The following GRHL1 variants were observed in gnomAD, a reference collection of about 807,000 sequenced individuals.
GRHL1 encodes the protein grainyhead-like protein 1 homolog.
GRHL1 carries 38 observed loss-of-function variants against 75.7 expected under a neutral mutation model. The observed-to-expected ratio is 0.50, with a 90% CI of 0.39 to 0.66. The LOEUF (loss-of-function observed/expected upper bound fraction) is 0.66, where lower values mean the gene tolerates loss of function less well. Among genes scored for constraint, GRHL1 ranks in the 30% least tolerant of loss-of-function variants. The probability of loss-of-function intolerance (pLI) is 0.00; values close to 1 mark genes in which losing one functional copy is unlikely to be tolerated. For missense variants in GRHL1, 589 were observed against 767.5 expected, an observed-to-expected ratio of 0.77 and a Z score of 2.75; for synonymous variants, 266 against 279.4, an observed-to-expected ratio of 0.95 and a Z score of 0.48.
intron 14 of GRHL1, among the ~76,000 whole-genome samples, chr2:9,998,423 C>CGCGTGTGTGTGTGT (rs1553306759): frequency 3.0e-5 from 1 of 33,844 alleles, no homozygotes; most frequent in African/African-American, 1.7e-4. Flanking sequence ...AGTGACTATG[C>CGCGTGTGTGTGTGT]ATGTGTGTGT....
chr2:9,988,426 T>G (rs1668513315), intron 9 of GRHL1, among the ~76,000 whole-genome samples: 2 of 152,242 alleles, frequency 1.3e-5, no homozygotes, highest in Admixed American at 1.3e-4. Context: ...TGTGTGAGTT[T>G]CGGGCACTGT....
At position 9,993,378 on chromosome 2, in the gene GRHL1, A is replaced by G. The variant is rs189140892; in HGVS notation, c.1499+134A>G. 4,093 of 705,384 alleles carry G rather than the reference A, an allele frequency of 5.8e-3. 31 individuals are homozygous for G. Among genetic ancestry groups the G allele is most frequent in the Non-Finnish European group, 8.1e-3 (3,142 of 390,206 alleles). The allele number at this position is 705,384 out of a possible 1,614,324, so 43.7% of individuals were successfully genotyped here. On this transcript the variant is annotated intron_variant, in intron 12 of 15. Transcript: ENST00000324907. ...GGATAAGTTGCCAGCCTGATGGCCCATCACTCCTGAATATCGTGGTATATA... is the reference window on the plus strand; with the variant it reads ...GGATAAGTTGCCAGCCTGATGGCCCGTCACTCCTGAATATCGTGGTATATA...
At chr2:9,965,190 A>G in intron 7 of GRHL1, 97 bp from the exon 8 acceptor site, 1 of 685,780 alleles carries the variant, frequency 1.5e-6, no homozygotes, top group Non-Finnish European at 2.7e-6. Context: ...TCCAGAGGTG[A>G]TAATGCTAAA....
At chr2:9,952,953 A>C (rs1021381880) in intron 1 of GRHL1, 18 of 451,494 alleles carry the variant, frequency 4.0e-5, no homozygotes, top group Middle Eastern at 3.3e-4. Flanking sequence ...GAAGTCTGAG[A>C]GATCGCAGAC....
In GRHL1 at chr2:9,987,556, G is replaced by A. The variant is rs998333442; in HGVS notation, c.1269+1274G>A. On this transcript the variant is annotated intron_variant, in intron 9 of 15. Coordinates refer to ENST00000324907, the MANE Select transcript of GRHL1 (RefSeq NM_198182.3). This position sits in a 1 kb window ranked among gnomAD's most constrained non-coding sequence, Gnocchi z 4.2. ...CCAAAGGCCCTTCAATAAGCATGGGGAAGGAGAGGTGCGGATTCTTCTCTA... is the reference window on the plus strand; with the variant it reads ...CCAAAGGCCCTTCAATAAGCATGGGAAAGGAGAGGTGCGGATTCTTCTCTA... 1.3e-5 allele frequency among the ~76,000 whole-genome samples: 2 copies of A among 152,204 alleles called. No individual in the cohort carries two copies. Among genetic ancestry groups the A allele is most frequent in the African/African-American group, 4.8e-5 (2 of 41,438 alleles).
At chr2:9,979,520 C>G (rs1326803192) in intron 8 of GRHL1, among the ~76,000 whole-genome samples, 3 of 152,090 alleles carry the variant, frequency 2.0e-5, no homozygotes, top group Admixed American at 2.0e-4. Context: ...GGCCAGTGCT[C>G]AAATTTTGAA....
rs1170321771 is a variant in GRHL1 at position 9,992,970 on chromosome 2, G to A, written c.1462-237G>A. 2.6e-5 allele frequency among the ~76,000 whole-genome samples: 4 copies of A among 152,204 alleles called. No homozygotes were observed. Among genetic ancestry groups the A allele is most frequent in the Non-Finnish European group, 5.9e-5 (4 of 68,048 alleles). ...ATAAGCAGCATGTGAATGAATGAGC[G>A]TGGCTTTGTTTCAGTAAAGACTTTA... On this transcript the variant is annotated intron_variant, in intron 11 of 15. Transcript: ENST00000324907. This position sits in a 1 kb window ranked among gnomAD's most constrained non-coding sequence, Gnocchi z 4.6.
chr2:9,988,326 A>C (rs1237146857), intron 9 of GRHL1, among the ~76,000 whole-genome samples: 2 of 151,030 alleles, frequency 1.3e-5, no homozygotes, highest in Non-Finnish European at 2.9e-5. Context: ...GCTCATTACA[A>C]GTTTTCTCAC....
chr2:9,986,213 T>C lies in GRHL1; in HGVS notation c.1200T>C (p.Tyr400=). 2 of 1,613,512 alleles carry C rather than the reference T, an allele frequency of 1.2e-6. No individual in the cohort carries two copies. The highest frequency in any genetic ancestry group is 1.7e-6 in the Non-Finnish European group (2 of 1,179,582). Residue 400 remains tyrosine, a synonymous_variant, in exon 9 of 16, where the codon TAT becomes TAC. Coordinates refer to ENST00000324907, the MANE Select transcript of GRHL1 (RefSeq NM_198182.3). ...GLPLNIQVDT[Y]SYNNRSNKPV... ...CTCTTAACATTCAAGTTGATACCTATAGTTACAACAACCGCAGCAACAAGC... is the reference window on the plus strand; with the variant it reads ...CTCTTAACATTCAAGTTGATACCTACAGTTACAACAACCGCAGCAACAAGC...
chr2:9,965,128 T>C (rs1667435361), intron 7 of GRHL1, 159 bp from the exon 8 acceptor site: 1 of 535,526 alleles, frequency 1.9e-6, no homozygotes, highest in East Asian at 2.8e-5. Context: ...TGTGATTCTT[T>C]TTCTTCGTAT....
At position 9,987,593 on chromosome 2, in the gene GRHL1, A is replaced by T. The variant is rs1668479018; in HGVS notation, c.1269+1311A>T. Among the ~76,000 whole-genome samples the T allele has an allele frequency of 6.6e-6, 1 of 152,162 alleles. No homozygotes were observed. The highest frequency in any genetic ancestry group is 1.5e-5 in the Non-Finnish European group (1 of 68,024). ...CGGATTCTTCTCTACAGCCACAGGGAGGCAAGAAGAAAAAGTGCAGGGCCC... is the reference window on the plus strand; with the variant it reads ...CGGATTCTTCTCTACAGCCACAGGGTGGCAAGAAGAAAAAGTGCAGGGCCC... On this transcript the variant is annotated intron_variant, in intron 9 of 15. Coordinates refer to ENST00000324907, the MANE Select transcript of GRHL1 (RefSeq NM_198182.3). This position sits in a 1 kb window ranked among gnomAD's most constrained non-coding sequence, Gnocchi z 4.2.
Position 9,991,998 on chromosome 2 carries a change from T to C in GRHL1, c.1322-9T>C. On this transcript the variant is annotated splice_polypyrimidine_tract_variant and intron_variant, in intron 10 of 15. Transcript: ENST00000324907. ...TGGCTTCCTCTTTTTTAATTTTTTT[T>C]TTTTTCAGTTTCTGATGTTAAAGTG... The C allele has an allele frequency of 6.5e-7, 1 of 1,549,286 alleles. No homozygotes were observed. The highest frequency in any genetic ancestry group is 8.7e-7 in the Non-Finnish European group (1 of 1,148,036).
intron 8 of GRHL1, among the ~76,000 whole-genome samples, chr2:9,972,336 G>A (rs1218570268): frequency 5.9e-5 from 9 of 151,536 alleles, no homozygotes; most frequent in Non-Finnish European, 8.8e-5. Context: ...AAATTCTGTC[G>A]GTGGTAGCTT....
chr2:9,965,506 C>A lies in GRHL1; in HGVS notation c.1110+125C>A, dbSNP rs1005469329. Reference sequence around the variant, plus strand: ...TGTTTCATTCTCAGGTGTTATGAAACTATCCTCTTCCCTTTTTATTCTCCC... The same window carrying A: ...TGTTTCATTCTCAGGTGTTATGAAAATATCCTCTTCCCTTTTTATTCTCCC... On this transcript the variant is annotated intron_variant, in intron 8 of 15. Coordinates refer to ENST00000324907, the MANE Select transcript of GRHL1 (RefSeq NM_198182.3). The A allele has an allele frequency of 2.3e-5, 14 of 612,776 alleles. No homozygotes were observed. In the African/African-American group the frequency reaches 2.4e-4, roughly 11 times the overall value. The allele number at this position is 612,776 out of a possible 1,614,324, so 38.0% of individuals were successfully genotyped here.
intron 8 of GRHL1, among the ~76,000 whole-genome samples, chr2:9,971,464 G>A (rs529783244): frequency 1.3e-5 from 2 of 152,326 alleles, no homozygotes; most frequent in East Asian, 3.9e-4. Context: ...AAATGAAGGA[G>A]AAGAGGCTTT....
intron 1 of GRHL1, among the ~76,000 whole-genome samples, chr2:9,953,836 C>T (rs1276869191): frequency 6.6e-6 from 1 of 152,152 alleles, no homozygotes; most frequent in African/African-American, 2.4e-5. Flanking sequence ...AGAGCCAGTC[C>T]TTCAATTTGC....
intron 8 of GRHL1, among the ~76,000 whole-genome samples, chr2:9,978,819 C>T (rs1257999325): frequency 2.6e-5 from 4 of 151,994 alleles, no homozygotes; most frequent in Non-Finnish European, 4.4e-5. Flanking sequence ...GGTGACGCCC[C>T]GTCTCTACTA....
chr2:9,958,574 T>C (rs373862680), intron 2 of GRHL1, among the ~76,000 whole-genome samples: 31 of 152,220 alleles, frequency 2.0e-4, no homozygotes, highest in African/African-American at 7.2e-4. Flanking sequence ...TCAATAACAG[T>C]TGCTTTTTAC....
chr2:10,000,241 G>A (rs781600153), intron 15 of GRHL1, among the ~76,000 whole-genome samples: 24 of 152,254 alleles, frequency 1.6e-4, no homozygotes, highest in Middle Eastern at 3.4e-3. Context: ...CTGCCTCAGC[G>A]TCCCAAAGTG....
Sources: gnomAD v4.1 joint callset for allele counts (sites outside exome capture counted in the v4.1 genomes callset) on GRCh38, gnomAD v4.1.1 for gene constraint, Gnocchi (gnomAD v3.1) non-coding constraint, MANE v1.5 for transcripts, NCBI Gene and HGNC (gene_info 2026-07-23, HGNC 2026-07-21) for gene names.